Variants in TBC1D19 observed in about 807,000 individuals in gnomAD.
The protein encoded by TBC1D19 is TBC1 domain family member 19, also known as TBC1 domain family, member 19.
In TBC1D19, 60 loss-of-function variants were observed where a neutral mutation model predicts 89.0. That is an observed-to-expected ratio of 0.67 (90% CI 0.55 to 0.84). The LOEUF is 0.84. TBC1D19 is among the 40% of genes least tolerant of loss of function. The pLI is 0.00. For synonymous variants in TBC1D19, 189 were observed against 199.7 expected (o/e 0.95, Z 0.45); for missense variants, 500 against 610.8 (o/e 0.82, Z 1.91).
At chr4:26,614,482 T>G in intron 3 of TBC1D19, 29 bp downstream of exon 3, 1 of 1,539,378 alleles carries the variant, frequency 6.5e-7, no homozygotes, top group Non-Finnish European at 8.8e-7. Flanking sequence ...TTTACAATAG[T>G]ATTTTGTTTA....
chr4:26,803,479 T>A, the TBC1D19 span, among the ~76,000 whole-genome samples: 2 of 152,144 alleles, frequency 1.3e-5, no homozygotes, highest in Non-Finnish European at 2.9e-5. Flanking sequence ...CACAAACATA[T>A]AAATGACAAA....
chr4:26,617,999 C>T (rs889058145), intron 3 of TBC1D19, among the ~76,000 whole-genome samples: 3 of 152,254 alleles, frequency 2.0e-5, no homozygotes, highest in Non-Finnish European at 4.4e-5. Context: ...GGTAAGTCTT[C>T]GTACACATTC....
the TBC1D19 span, among the ~76,000 whole-genome samples, chr4:26,825,210 T>C: frequency 6.6e-6 from 1 of 152,096 alleles, no homozygotes; most frequent in Non-Finnish European, 1.5e-5. Flanking sequence ...GCGATTCTCC[T>C]GCCTCAGTTT....
chr4:26,740,449 G>A (rs892939062), intron 17 of TBC1D19, among the ~76,000 whole-genome samples: 81 of 152,176 alleles, frequency 5.3e-4, no homozygotes, highest in African/African-American at 1.9e-3. Flanking sequence ...ATCAAGTATT[G>A]ATTTGTCACT....
At chr4:26,591,294 C>T (rs915376202) in intron 1 of TBC1D19, among the ~76,000 whole-genome samples, 2 of 151,640 alleles carry the variant, frequency 1.3e-5, no homozygotes, top group African/African-American at 4.9e-5. Context: ...TATGCATTCA[C>T]CTGTTGATAG....
At chr4:26,816,958 G>A in the TBC1D19 span, among the ~76,000 whole-genome samples, 10 of 152,016 alleles carry the variant, frequency 6.6e-5, no homozygotes, top group African/African-American at 1.5e-4. Context: ...AGACAAAACC[G>A]CTGAAAATAA....
At chr4:26,788,006 A>G in the TBC1D19 span, among the ~76,000 whole-genome samples, 24 of 152,196 alleles carry the variant, frequency 1.6e-4, no homozygotes, top group Admixed American at 8.5e-4. Flanking sequence ...ATTAGATGAT[A>G]CAAAGGGAAG....
At chr4:26,848,571 G>A in the TBC1D19 span, among the ~76,000 whole-genome samples, 1 of 152,164 alleles carries the variant, frequency 6.6e-6, no homozygotes, top group African/African-American at 2.4e-5. Flanking sequence ...AGAGTAAACT[G>A]TTACATAGGT....
At chr4:26,665,553 G>A (rs1348265622) in intron 8 of TBC1D19, among the ~76,000 whole-genome samples, 2 of 151,864 alleles carry the variant, frequency 1.3e-5, no homozygotes, top group South Asian at 2.1e-4. Context: ...GAGGAAGTCT[G>A]GAGAATAAAT....
At chr4:26,768,349 A>G in the TBC1D19 span, among the ~76,000 whole-genome samples, 2 of 152,222 alleles carry the variant, frequency 1.3e-5, no homozygotes, top group East Asian at 1.9e-4. Context: ...AATGACTGCC[A>G]AGTTACTTAA....
chr4:26,660,875 AG>A (rs1173696181), intron 8 of TBC1D19, among the ~76,000 whole-genome samples: 1 of 152,170 alleles, frequency 6.6e-6, no homozygotes, highest in Non-Finnish European at 1.5e-5. Flanking sequence ...TTAGCCTAGA[AG>A]TCATAGTTGC....
chr4:26,778,603 C>T, the TBC1D19 span, among the ~76,000 whole-genome samples: 4 of 152,066 alleles, frequency 2.6e-5, no homozygotes, highest in South Asian at 2.1e-4. Context: ...ATTACCCTGC[C>T]GCCTGGGTCC....
At chr4:26,649,857 C>T (rs1474205693) in intron 7 of TBC1D19, among the ~76,000 whole-genome samples, 1 of 152,056 alleles carries the variant, frequency 6.6e-6, no homozygotes, top group African/African-American at 2.4e-5. Flanking sequence ...TGCTATCCCT[C>T]CCCTCTCCCC....
chr4:26,804,261 T>C, the TBC1D19 span, among the ~76,000 whole-genome samples: 10 of 152,252 alleles, frequency 6.6e-5, no homozygotes, highest in African/African-American at 2.4e-4. Context: ...TCCTCCTGCC[T>C]CAGCCTCCCG....
At chr4:26,836,400 T>C in the TBC1D19 span, among the ~76,000 whole-genome samples, 1 of 152,156 alleles carries the variant, frequency 6.6e-6, no homozygotes, top group Non-Finnish European at 1.5e-5. Flanking sequence ...GAGAAGTCTT[T>C]TGAAGCTGAT....
At chr4:26,583,671 T>A (rs541209987), upstream of TBC1D19, among the ~76,000 whole-genome samples, 1 of 152,284 alleles carries the variant, frequency 6.6e-6, no homozygotes, top group East Asian at 1.9e-4. Flanking sequence ...CAGCTAATCA[T>A]CACAACATCC....
intron 11 of TBC1D19, 108 bp from the exon 12 acceptor site, chr4:26,683,567 T>C (rs1713544782): frequency 1.3e-6 from 1 of 794,104 alleles, no homozygotes. Context: ...TGCCTAACAC[T>C]GAGTTCCTGC....
chr4:26,591,107 A>G (rs1334584107), intron 1 of TBC1D19, among the ~76,000 whole-genome samples: 2 of 151,108 alleles, frequency 1.3e-5, no homozygotes, highest in Admixed American at 6.6e-5. Flanking sequence ...TACTGTCTCT[A>G]TAGTTTTGCT....
intron 7 of TBC1D19, among the ~76,000 whole-genome samples, chr4:26,645,253 T>C (rs1743837477): frequency 6.6e-6 from 1 of 152,152 alleles, no homozygotes; most frequent in South Asian, 2.1e-4. Context: ...GACTTCAAAC[T>C]GTACTACAAG....
Sources: gnomAD v4.1 joint callset for allele counts (sites outside exome capture counted in the v4.1 genomes callset) on GRCh38, gnomAD v4.1.1 for gene constraint, MANE v1.5 for transcripts, NCBI Gene and HGNC (gene_info 2026-07-23, HGNC 2026-07-21) for gene names.